CKAP5: variants seen among roughly 807,000 people sequenced by gnomAD.
CKAP5 encodes the protein cytoskeleton associated protein 5.
A neutral mutation model predicts 232.8 loss-of-function variants in CKAP5; 27 were observed. The observed-to-expected ratio is 0.12, with a 90% CI of 0.09 to 0.16. The LOEUF (loss-of-function observed/expected upper bound fraction) is 0.16, where lower values mean the gene tolerates loss of function less well. CKAP5 is among the 10% of genes least tolerant of loss of function. The pLI is 1.00. For missense variants in CKAP5, 1,838 were observed against 2,424.7 expected, an observed-to-expected ratio of 0.76 and a Z score of 5.08; for synonymous variants, 785 against 841.1, an observed-to-expected ratio of 0.93 and a Z score of 1.16.
chr11:46,774,934 C>A (rs1013662987), intron 24 of CKAP5, among the ~76,000 whole-genome samples: 2 of 152,174 alleles, frequency 1.3e-5, no homozygotes, highest in Non-Finnish European at 2.9e-5. Context: ...TGGACAAAGA[C>A]TTCGTGACTA....
chr11:46,814,131 C>CAAA (rs60142188), intron 4 of CKAP5, among the ~76,000 whole-genome samples: 6 of 81,266 alleles, frequency 7.4e-5, no homozygotes, highest in Admixed American at 1.5e-4. Context: ...GACCTTGTCT[C>CAAA]AAAAAAAAAA....
intron 32 of CKAP5, among the ~76,000 whole-genome samples, chr11:46,761,273 T>TA (rs1219349453): frequency 2.0e-5 from 3 of 146,436 alleles, no homozygotes; most frequent in South Asian, 2.2e-4. Flanking sequence ...AAAGAAACGA[T>TA]AAAAAAAAGA....
intron 1 of CKAP5, among the ~76,000 whole-genome samples, chr11:46,827,582 C>A (rs1185753623): frequency 6.6e-6 from 1 of 152,138 alleles, no homozygotes; most frequent in Admixed American, 6.5e-5. Flanking sequence ...GACTGCACCA[C>A]AGCACTCCAC....
At chr11:46,786,919 T>C (rs1367087146) in intron 16 of CKAP5, among the ~76,000 whole-genome samples, 2 of 152,132 alleles carry the variant, frequency 1.3e-5, no homozygotes, top group African/African-American at 4.8e-5. Flanking sequence ...AGCTGGTCAT[T>C]AAGTTAACCA....
At chr11:46,759,495 G>C in intron 33 of CKAP5, 53 bp from the exon 34 acceptor site, 2 of 1,541,538 alleles carry the variant, frequency 1.3e-6, no homozygotes, top group Non-Finnish European at 1.8e-6. Context: ...TTAACCAAAG[G>C]GCAAGAGTAG....
intron 12 of CKAP5, among the ~76,000 whole-genome samples, chr11:46,796,037 C>T (rs540251425): frequency 8.8e-4 from 134 of 152,002 alleles, no homozygotes; most frequent in Non-Finnish European, 1.3e-3. Context: ...TGGTGGCAGG[C>T]GCCTGTAATC....
At chr11:46,762,478 T>C (rs749803495) in intron 31 of CKAP5, 149 bp downstream of exon 31, 2 of 1,017,886 alleles carry the variant, frequency 2.0e-6, no homozygotes, top group Admixed American at 1.7e-5. Context: ...GCTCCACCAG[T>C]GTGCAACTCA....
intron 8 of CKAP5, among the ~76,000 whole-genome samples, chr11:46,803,714 T>A (rs1256908819): frequency 1.3e-5 from 2 of 152,228 alleles, no homozygotes; most frequent in Non-Finnish European, 2.9e-5. Flanking sequence ...TCTCAACTTG[T>A]GTTAAGTTCA....
At chr11:46,793,300 C>T (rs1938784700) in intron 13 of CKAP5, among the ~76,000 whole-genome samples, 1 of 152,210 alleles carries the variant, frequency 6.6e-6, no homozygotes, top group South Asian at 2.1e-4. Flanking sequence ...AATATCAGTT[C>T]TCTTCCCCTA....
chr11:46,790,870 C>G (rs1426684702), intron 13 of CKAP5, among the ~76,000 whole-genome samples: 17 of 152,058 alleles, frequency 1.1e-4, no homozygotes, highest in Admixed American at 1.1e-3. Context: ...AGGCTGGTCT[C>G]GAATTCCTGG....
intron 24 of CKAP5, among the ~76,000 whole-genome samples, chr11:46,772,730 CCT>C (rs1175100557): frequency 9.7e-4 from 143 of 148,184 alleles, no homozygotes; most frequent in African/African-American, 3.0e-3. Context: ...TAAAGTGATT[CCT>C]CTTTTTTTTT....
Position 46,790,560 on chromosome 11 carries a change from C to T in CKAP5, c.1674G>A (p.Gly558=), listed in dbSNP as rs1467886705. ...CTGCGCCTCCTGGTGCAGCTGGTTT[C>T]CCCTTTTTTGGTGGCCCACCAGCCT... is the stretch of plus-strand genomic sequence containing the variant. ...AAKAGGPPKK[G]KPAAPGGAGN... The change falls in exon 14 of 44, where the codon GGG becomes GGA. Residue 558 remains glycine, a synonymous_variant. Coordinates refer to ENST00000529230, the MANE Select transcript of CKAP5 (RefSeq NM_001008938.4). 3 of 1,613,818 alleles carry T rather than the reference C, an allele frequency of 1.9e-6. No homozygotes were observed. The highest frequency in any genetic ancestry group is 2.5e-6 in the Non-Finnish European group (3 of 1,179,864).
At chr11:46,796,034 AG>A (rs1234517043) in intron 12 of CKAP5, among the ~76,000 whole-genome samples, 1 of 151,982 alleles carries the variant, frequency 6.6e-6, no homozygotes, top group African/African-American at 2.4e-5. Context: ...GCGTGGTGGC[AG>A]GCGCCTGTAA....
chr11:46,837,068 G>C (rs1285773891), intron 1 of CKAP5, among the ~76,000 whole-genome samples: 2 of 152,182 alleles, frequency 1.3e-5, no homozygotes, highest in Non-Finnish European at 2.9e-5. Context: ...GAAAGATTAA[G>C]GGCAAAAGGA....
intron 26 of CKAP5, 74 bp from the exon 27 acceptor site, chr11:46,767,737 A>G (rs2065214607): frequency 2.2e-6 from 2 of 889,638 alleles, no homozygotes; most frequent in Non-Finnish European, 3.4e-6. Context: ...TTAAATATAT[A>G]ATGATGACAA....
rs117835551 is a variant in CKAP5, at chr11:46,794,438, T to A, written c.1650+1156A>T. 1.7e-4 allele frequency among the ~76,000 whole-genome samples: 26 copies of A among 152,018 alleles called. No homozygotes were observed. In the East Asian group the frequency reaches 4.8e-3, roughly 28 times the overall value. On this transcript the variant is annotated intron_variant, in intron 13 of 43. Transcript: ENST00000529230. ...TTGCACTCCAGCCTGGGGAACAGAG[T>A]GAGACCTTGCCTCAAAACAACCCAA...
At chr11:46,818,177 T>C (rs948632278) in intron 3 of CKAP5, 133 bp downstream of exon 3, 117 of 584,296 alleles carry the variant, frequency 2.0e-4, no homozygotes, top group African/African-American at 1.8e-3. Flanking sequence ...AAAACAAGTA[T>C]CAAGAAACTA....
At chr11:46,792,653 CTGA>C (rs1174280042) in intron 13 of CKAP5, among the ~76,000 whole-genome samples, 1 of 152,126 alleles carries the variant, frequency 6.6e-6, no homozygotes, top group Admixed American at 6.5e-5. Context: ...TCACGTGCTG[CTGA>C]TATTGTCCTA....
intron 35 of CKAP5, among the ~76,000 whole-genome samples, chr11:46,756,247 T>C (rs2065109935): frequency 6.6e-6 from 1 of 152,232 alleles, no homozygotes. Context: ...ATCATCCTAG[T>C]GGCACATAAT....
Sources: allele counts gnomAD v4.1 joint callset (sites outside exome capture counted in the v4.1 genomes callset), GRCh38; gene constraint gnomAD v4.1.1; transcripts MANE v1.5; gene names NCBI Gene and HGNC (gene_info 2026-07-23, HGNC 2026-07-21).